The following KCNMA1 variants were observed in gnomAD, a reference collection of about 807,000 sequenced individuals.
KCNMA1 encodes the protein potassium calcium-activated channel subfamily M alpha 1, also known as Calcium-activated potassium channel subunit alpha-1.
In KCNMA1, 29 loss-of-function variants were observed where a neutral mutation model predicts 140.0. The ratio of observed to expected loss-of-function variants is 0.21; its 90% CI spans 0.15 to 0.28. The LOEUF (loss-of-function observed/expected upper bound fraction) is 0.28. Ranked by LOEUF, KCNMA1 falls within the 10% of genes least tolerant of loss-of-function variation. The pLI is 1.00. For missense variants in KCNMA1, 880 were observed against 1,602.2 expected (o/e 0.55, Z 7.70); for synonymous variants, 612 against 611.9 (o/e 1.00, Z 0.00).
At chr10:77,253,838 G>A (rs148926797) in intron 2 of KCNMA1, among the ~76,000 whole-genome samples, 4 of 152,282 alleles carry the variant, frequency 2.6e-5, no homozygotes, top group Non-Finnish European at 5.9e-5. Context: ...AACTGTGCAC[G>A]TAGTCTTGAA....
At chr10:77,469,481 G>A (rs969179199) in intron 1 of KCNMA1, among the ~76,000 whole-genome samples, 1 of 152,192 alleles carries the variant, frequency 6.6e-6, no homozygotes, top group Non-Finnish European at 1.5e-5. Flanking sequence ...ACGGTTGCCA[G>A]AGGGGACTCC....
intron 1 of KCNMA1, among the ~76,000 whole-genome samples, chr10:77,568,137 C>A (rs1603637035): frequency 6.6e-6 from 1 of 152,302 alleles, no homozygotes; most frequent in East Asian, 1.9e-4. Flanking sequence ...GCATTCACAG[C>A]CGAATTCTAC....
chr10:77,045,011 C>T lies in KCNMA1; in HGVS notation c.1750-5374G>A, dbSNP rs550159477. The stretch of plus-strand genomic sequence containing the variant: ...CTCTGTAGCCTATGACTTTACGAGA[C>T]GTCTAGCAAGGAGTAATAATCCATT... On this transcript the variant is annotated intron_variant, in intron 14 of 27. Transcript: ENST00000286628. Among the ~76,000 whole-genome samples the T allele has an allele frequency of 4.6e-5, 7 of 152,300 alleles. No individual in the cohort carries two copies. The South Asian group carries it at 1.2e-3, about 27-fold the overall frequency.
chr10:77,446,723 G>T (rs1314270065), intron 1 of KCNMA1, among the ~76,000 whole-genome samples: 1 of 152,172 alleles, frequency 6.6e-6, no homozygotes, highest in South Asian at 2.1e-4. Context: ...GGAAAGACAG[G>T]CTTCAGAAGA....
chr10:77,321,119 A>G (rs2082223807), intron 2 of KCNMA1, among the ~76,000 whole-genome samples: 1 of 152,248 alleles, frequency 6.6e-6, no homozygotes, highest in South Asian at 2.1e-4. Flanking sequence ...ATTTAATCAA[A>G]CAACTTCTGG....
Position 76,885,107 on chromosome 10 carries a change from A to AGTT in KCNMA1, c.*2156_*2158dup. 6.6e-7 allele frequency: 1 copy of AGTT among 1,517,390 alleles called. No individual in the cohort carries two copies. Among genetic ancestry groups the AGTT allele is most frequent in the Non-Finnish European group, 8.8e-7 (1 of 1,131,804 alleles). The allele number at this position is 1,517,390 out of a possible 1,614,324, so 94.0% of individuals were successfully genotyped here. ...AGCACTTTAACTGGCACATTCTTAT[A>AGTT]GTTATAAATGTTCTGAGGGCGTAAC... On this transcript the variant is annotated 3_prime_UTR_variant, in exon 28 of 28. Coordinates refer to ENST00000286628, the MANE Select transcript of KCNMA1 (RefSeq NM_001161352.2).
At chr10:77,106,159 C>A (rs1345799376) in intron 9 of KCNMA1, among the ~76,000 whole-genome samples, 1 of 152,084 alleles carries the variant, frequency 6.6e-6, no homozygotes, top group Non-Finnish European at 1.5e-5. Flanking sequence ...AGTGAACAGG[C>A]CCGGTGCTGA....
chr10:76,959,077 C>T (rs1323093572), intron 20 of KCNMA1, among the ~76,000 whole-genome samples: 3 of 152,046 alleles, frequency 2.0e-5, no homozygotes, highest in Non-Finnish European at 4.4e-5. Flanking sequence ...GGCCAATATC[C>T]TTCCCCTCTC....
intron 2 of KCNMA1, among the ~76,000 whole-genome samples, chr10:77,252,678 G>A (rs1374005574): frequency 6.6e-6 from 1 of 152,064 alleles, no homozygotes; most frequent in Non-Finnish European, 1.5e-5. Context: ...AATGAAATCT[G>A]CATGAGATAC....
At chr10:77,288,178 C>T (rs2071717597) in intron 2 of KCNMA1, among the ~76,000 whole-genome samples, 1 of 152,198 alleles carries the variant, frequency 6.6e-6, no homozygotes, top group African/African-American at 2.4e-5. Flanking sequence ...AGTTGTTGAT[C>T]TAAAAATTGC....
intron 1 of KCNMA1, among the ~76,000 whole-genome samples, chr10:77,487,209 A>G (rs887378683): frequency 6.6e-6 from 1 of 152,162 alleles, no homozygotes; most frequent in Non-Finnish European, 1.5e-5. Flanking sequence ...AAATTCCACC[A>G]TTAGGCATTC....
chr10:76,906,409 T>C (rs2047852005), intron 25 of KCNMA1, among the ~76,000 whole-genome samples: 2 of 152,302 alleles, frequency 1.3e-5, no homozygotes, highest in South Asian at 4.1e-4. Context: ...CTGCTGTTGA[T>C]TTGTGAGATA....
chr10:76,933,112 C>A (rs1907733), intron 23 of KCNMA1, among the ~76,000 whole-genome samples: 8,970 of 152,246 alleles, frequency 0.059, 518 homozygotes, highest in African/African-American at 0.14. Context: ...ATCTCTGTAA[C>A]CCTTGTCCAG....
intron 1 of KCNMA1, among the ~76,000 whole-genome samples, chr10:77,518,629 T>C (rs906218983): frequency 3.3e-5 from 5 of 152,170 alleles, no homozygotes; most frequent in African/African-American, 1.2e-4. Context: ...GGAGGAGGCC[T>C]GGGTGTGGTG....
chr10:77,310,154 C>A (rs1265020455), intron 2 of KCNMA1, among the ~76,000 whole-genome samples: 1 of 152,128 alleles, frequency 6.6e-6, no homozygotes, highest in Non-Finnish European at 1.5e-5. Context: ...TTTGAAGGAA[C>A]CACTAGGGAT....
At chr10:77,497,826 G>A (rs2042483760) in intron 1 of KCNMA1, among the ~76,000 whole-genome samples, 1 of 152,166 alleles carries the variant, frequency 6.6e-6, no homozygotes, top group African/African-American at 2.4e-5. Context: ...GTGAGTAAAG[G>A]AGAAGTCAGG....
At chr10:77,185,598 AT>A (rs398046317) in intron 3 of KCNMA1, among the ~76,000 whole-genome samples, 7,772 of 144,458 alleles carry the variant, frequency 0.054, 208 homozygotes, top group Non-Finnish European at 0.068. Context: ...CTAAGGGTTA[AT>A]TTTTTTTTTT....
chr10:76,879,671 T>C (rs991491615), intron 29 of KCNMA1, among the ~76,000 whole-genome samples: 4 of 152,076 alleles, frequency 2.6e-5, no homozygotes, highest in African/African-American at 9.7e-5. Flanking sequence ...AGGTTCCTGA[T>C]GGGCTGGTTA....
chr10:76,950,557 C>T (rs944112252), intron 21 of KCNMA1, among the ~76,000 whole-genome samples: 9 of 152,232 alleles, frequency 5.9e-5, no homozygotes, highest in African/African-American at 2.2e-4. Context: ...TCAATGCCTC[C>T]CATTCCTGTC....
Sources: allele counts gnomAD v4.1 joint callset (sites outside exome capture counted in the v4.1 genomes callset), GRCh38; gene constraint gnomAD v4.1.1; transcripts MANE v1.5; gene names NCBI Gene and HGNC (gene_info 2026-07-23, HGNC 2026-07-21).